The following RICTOR variants were observed in gnomAD, a reference collection of about 807,000 sequenced individuals.
RICTOR encodes the protein RPTOR independent companion of MTOR complex 2.
Under a neutral mutation model 214.9 loss-of-function variants are expected in RICTOR, and 49 were observed. The ratio of observed to expected loss-of-function variants is 0.23; its 90% CI spans 0.18 to 0.29. The LOEUF is 0.29. RICTOR is among the 10% of genes least tolerant of loss of function. The pLI is 1.00. For missense variants in RICTOR, 1,625 were observed against 2,047.0 expected (o/e 0.79, Z 3.98); for synonymous variants, 717 against 711.3 (o/e 1.01, Z -0.13).
chr5:39,002,403 T>G (rs1316150991), intron 5 of RICTOR, 132 bp downstream of exon 5: 8 of 473,406 alleles, frequency 1.7e-5, no homozygotes, highest in Non-Finnish European at 2.9e-5. Flanking sequence ...TGTGTGTGTA[T>G]ATATATATAT....
rs943508065 is a variant in RICTOR, at chr5:38,953,519, G to T, written c.2732C>A (p.Thr911Lys). Residue 911 changes from threonine (T) to lysine (K), a missense_variant, in exon 28 of 38, where the codon ACA becomes AAA. Around this residue, in one of 5 missense-constraint regions of RICTOR, gnomAD observed 1,214 missense variants for 1,470.5 expected, o/e 0.83. Transcript: ENST00000357387. ...IITELCRNVR[T>K]PDLDKWEEIK... Reference sequence around the variant, plus strand: ...TTCTTCCCACTTATCCAAATCTGGTGTACGAACATTACGACAGAGTTCTGT... The same window carrying T: ...TTCTTCCCACTTATCCAAATCTGGTTTACGAACATTACGACAGAGTTCTGT... The T allele has an allele frequency of 2.0e-6, 3 of 1,482,736 alleles. No individual in the cohort carries two copies. Among genetic ancestry groups the T allele is most frequent in the Non-Finnish European group, 2.7e-6 (3 of 1,106,950 alleles). The allele number at this position is 1,482,736 out of a possible 1,614,324, so 91.8% of individuals were successfully genotyped here.
chr5:38,981,723 A>C (rs1160873837), intron 8 of RICTOR, 144 bp downstream of exon 8: 1 of 554,858 alleles, frequency 1.8e-6, no homozygotes, highest in Non-Finnish European at 3.1e-6. Context: ...TGATCTGTAA[A>C]ACAGAGCTGG....
chr5:39,037,958 A>G (rs937832271), intron 2 of RICTOR, among the ~76,000 whole-genome samples: 1 of 152,246 alleles, frequency 6.6e-6, no homozygotes, highest in African/African-American at 2.4e-5. Context: ...AATCCTCCCT[A>G]ACTCATTTTA....
intron 25 of RICTOR, among the ~76,000 whole-genome samples, chr5:38,957,083 C>G (rs1749323581): frequency 6.6e-6 from 1 of 151,988 alleles, no homozygotes; most frequent in African/African-American, 2.4e-5. Flanking sequence ...ATACTTCAAA[C>G]AAAATAATGA....
At chr5:38,952,098 A>G in intron 30 of RICTOR, 98 bp downstream of exon 30, 1 of 747,102 alleles carries the variant, frequency 1.3e-6, no homozygotes, top group Non-Finnish European at 2.2e-6. Context: ...ATCTTAGACA[A>G]AAGCAAATTA....
intron 2 of RICTOR, among the ~76,000 whole-genome samples, chr5:39,032,526 TAAC>T (rs779844214): frequency 2.6e-5 from 4 of 152,132 alleles, no homozygotes; most frequent in African/African-American, 9.7e-5. Context: ...CACATCATGC[TAAC>T]AACAAGTAAA....
At chr5:39,060,888 C>T (rs185145509) in intron 2 of RICTOR, among the ~76,000 whole-genome samples, 2 of 152,008 alleles carry the variant, frequency 1.3e-5, no homozygotes, top group Admixed American at 1.3e-4. Context: ...TTCTGAACCC[C>T]ACCTCTCTCT....
intron 15 of RICTOR, among the ~76,000 whole-genome samples, chr5:38,966,353 T>C (rs1041384852): frequency 1.3e-5 from 2 of 152,208 alleles, no homozygotes; most frequent in African/African-American, 4.8e-5. Flanking sequence ...AGGACGAAAA[T>C]GTCAACTTTG....
chr5:39,074,341 G>T lies in RICTOR; in HGVS notation c.37C>A (p.Leu13Ile). ...AIGRGRSLKN[L>I]RVRGRNDSGE... ...GCAGCGGGCTTACCTCGTACTCGGA[G>T]GTTCTTCAGAGAGCGGCCGCGGCCG... The change falls in exon 1 of 38, where the codon CTC becomes ATC. Residue 13 changes from leucine (L) to isoleucine (I), a missense_variant. Transcript: ENST00000357387. The T allele has an allele frequency of 6.5e-7, 1 of 1,541,462 alleles. No individual in the cohort carries two copies. The highest frequency in any genetic ancestry group is 8.7e-7 in the Non-Finnish European group (1 of 1,143,162).
intron 2 of RICTOR, among the ~76,000 whole-genome samples, chr5:39,050,055 T>C (rs1757741081): frequency 6.6e-6 from 1 of 152,052 alleles, no homozygotes; most frequent in Non-Finnish European, 1.5e-5. Flanking sequence ...AAAGGCAGAA[T>C]AAATAACCAC....
intron 5 of RICTOR, among the ~76,000 whole-genome samples, 186 bp from the exon 6 acceptor site, chr5:38,997,068 G>A (rs114632657): frequency 0.018 from 2,801 of 152,094 alleles, 39 homozygotes; most frequent in Non-Finnish European, 0.032. Flanking sequence ...ATAAATATCT[G>A]TCATTTAAAA....
At chr5:39,056,146 G>C (rs1217836355) in intron 2 of RICTOR, among the ~76,000 whole-genome samples, 1 of 152,160 alleles carries the variant, frequency 6.6e-6, no homozygotes, top group Non-Finnish European at 1.5e-5. Flanking sequence ...GAGCCCTCAA[G>C]CTTAAACACA....
chr5:38,941,186 A>G lies in RICTOR; in HGVS notation c.*1118T>C, dbSNP rs1365144268. 4 of 232,870 alleles carry G rather than the reference A, an allele frequency of 1.7e-5. No individual in the cohort carries two copies. The highest frequency in any genetic ancestry group is 6.1e-5 in the East Asian group (1 of 16,396). The allele number at this position is 232,870 out of a possible 1,614,324, so 14.4% of individuals were successfully genotyped here. On this transcript the variant is annotated 3_prime_UTR_variant, in exon 38 of 38. Coordinates refer to ENST00000357387, the MANE Select transcript of RICTOR (RefSeq NM_152756.5). The stretch of plus-strand genomic sequence containing the variant: ...TCACAAATGGATAAAGGCAATTAAT[A>G]TACTCATAAACCCACCTACCACTGC...
intron 9 of RICTOR, 29 bp from the exon 10 acceptor site, chr5:38,975,633 A>C: frequency 6.4e-7 from 1 of 1,554,120 alleles, no homozygotes; most frequent in Non-Finnish European, 8.9e-7. Context: ...CAGCGGGGAG[A>C]ATCAATGAAA....
intron 2 of RICTOR, among the ~76,000 whole-genome samples, chr5:39,060,246 A>G (rs2150203858): frequency 6.6e-6 from 1 of 152,234 alleles, no homozygotes. Context: ...CCAAAAAATG[A>G]CAATAAAAAT....
At chr5:38,962,271 T>C (rs772159498) in intron 19 of RICTOR, 44 bp downstream of exon 19, 3 of 919,868 alleles carry the variant, frequency 3.3e-6, no homozygotes, top group South Asian at 1.6e-5. Flanking sequence ...CTAATATCCA[T>C]ATTTAAGTTC....
At chr5:39,034,328 T>C (rs115204204) in intron 2 of RICTOR, among the ~76,000 whole-genome samples, 1,883 of 152,248 alleles carry the variant, frequency 0.012, 42 homozygotes, top group African/African-American at 0.043. Flanking sequence ...TTGTATAATT[T>C]TGGGGGTGGA....
At chr5:39,002,693 T>G in intron 4 of RICTOR, 27 bp from the exon 5 acceptor site, 4 of 1,581,230 alleles carry the variant, frequency 2.5e-6, no homozygotes, top group Non-Finnish European at 3.4e-6. Flanking sequence ...AAAATACAAG[T>G]TTTGCTGCAC....
At position 38,945,052 on chromosome 5, in the gene RICTOR, T is replaced by C; in HGVS notation, c.4650A>G (p.Pro1550=). 1.9e-6 allele frequency: 3 copies of C among 1,602,898 alleles called. No individual in the cohort carries two copies. The highest frequency in any genetic ancestry group is 2.6e-6 in the Non-Finnish European group (3 of 1,174,030). The change falls in exon 35 of 38, where the codon CCA becomes CCG. Residue 1550 remains proline, a synonymous_variant. Coordinates refer to ENST00000357387, the MANE Select transcript of RICTOR (RefSeq NM_152756.5). ...ICSHSDFQDI[P]YSDWCEQTIH... ...TAGTCTGCTCACACCAATCAGAATATGGAATATCTTGAAAGTCTGAAGAAA... is the reference window on the plus strand; with the variant it reads ...TAGTCTGCTCACACCAATCAGAATACGGAATATCTTGAAAGTCTGAAGAAA...
Sources: allele counts gnomAD v4.1 joint callset (sites outside exome capture counted in the v4.1 genomes callset), GRCh38; gene constraint gnomAD v4.1.1; regional missense constraint gnomAD v4.1.1; transcripts MANE v1.5; gene names NCBI Gene and HGNC (gene_info 2026-07-23, HGNC 2026-07-21).